Variants in EDAR observed in about 807,000 individuals in gnomAD.
The protein encoded by EDAR is tumor necrosis factor receptor superfamily member EDAR.
A neutral mutation model predicts 51.3 loss-of-function variants in EDAR; 38 were observed. That is an observed-to-expected ratio of 0.74 (90% CI 0.57 to 0.97). The LOEUF (loss-of-function observed/expected upper bound fraction) is 0.97, where lower values mean the gene tolerates loss of function less well. EDAR is among the 50% of genes least tolerant of loss of function. The pLI is 0.00. For synonymous variants in EDAR, 227 were observed against 242.1 expected (o/e 0.94, Z 0.58); for missense variants, 528 against 595.0 (o/e 0.89, Z 1.17).
At chr2:108,923,277 G>T in intron 5 of EDAR, 91 bp downstream of exon 5, 1 of 1,253,886 alleles carries the variant, frequency 8.0e-7, no homozygotes, top group Non-Finnish European at 1.2e-6. Context: ...CCTTGTCCAG[G>T]TGCCAGGACC....
At chr2:108,927,340 G>A (rs1397996902) in intron 4 of EDAR, among the ~76,000 whole-genome samples, 1 of 152,166 alleles carries the variant, frequency 6.6e-6, no homozygotes, top group African/African-American at 2.4e-5. Context: ...ATGTTTAAAA[G>A]CCCAGAGAGC....
At chr2:108,946,024 C>T (rs540259293) in intron 1 of EDAR, among the ~76,000 whole-genome samples, 2 of 152,342 alleles carry the variant, frequency 1.3e-5, no homozygotes, top group African/African-American at 4.8e-5. Flanking sequence ...ATTCTCTGCA[C>T]TAGTACTGGC....
chr2:108,924,589 G>T (rs370543358), intron 4 of EDAR, among the ~76,000 whole-genome samples: 2 of 152,184 alleles, frequency 1.3e-5, no homozygotes, highest in African/African-American at 4.8e-5. Flanking sequence ...CCCTGCTGAC[G>T]GTAGTGCTAA....
At chr2:108,963,732 A>G (rs889690774) in intron 1 of EDAR, among the ~76,000 whole-genome samples, 18 of 152,244 alleles carry the variant, frequency 1.2e-4, no homozygotes, top group Non-Finnish European at 5.9e-5. Flanking sequence ...GGCAATTCCC[A>G]GGCTATGGGT....
At chr2:108,929,810 G>A (rs1316487299) in intron 3 of EDAR, among the ~76,000 whole-genome samples, 1 of 152,204 alleles carries the variant, frequency 6.6e-6, no homozygotes, top group African/African-American at 2.4e-5. Flanking sequence ...TACTAGTACT[G>A]GAGAATATTT....
rs144207618 is a variant in EDAR at position 108,909,552 on chromosome 2, G to C, written c.803+908C>G. 8.8e-3 allele frequency among the ~76,000 whole-genome samples: 1,343 copies of C among 152,278 alleles called. 23 individuals are homozygous for C. The highest frequency in any genetic ancestry group is 0.031 in the African/African-American group (1,305 of 41,560). ...TGGCCTCTGTGCCCCATCTGCCAAG[G>C]GAGGCACTGTTGCGGGGGTGTCCTT... is the stretch of plus-strand genomic sequence containing the variant. On this transcript the variant is annotated intron_variant, in intron 9 of 11. Coordinates refer to ENST00000258443, the MANE Select transcript of EDAR (RefSeq NM_022336.4).
Position 108,913,756 on chromosome 2 carries a change from C to T in EDAR, c.443-992G>A, listed in dbSNP as rs151022874. 3.0e-4 allele frequency among the ~76,000 whole-genome samples: 45 copies of T among 152,142 alleles called. No individual in the cohort carries two copies. In the East Asian group the frequency reaches 8.7e-3, roughly 29 times the overall value. Reference sequence around the variant, plus strand: ...ACGAGGTCAGGAGATCAAGATCATCCTGGCTAACACAGGGAAACCCCGTCT... The same window carrying T: ...ACGAGGTCAGGAGATCAAGATCATCTTGGCTAACACAGGGAAACCCCGTCT... On this transcript the variant is annotated intron_variant, in intron 5 of 11. Coordinates refer to ENST00000258443, the MANE Select transcript of EDAR (RefSeq NM_022336.4).
intron 11 of EDAR, among the ~76,000 whole-genome samples, chr2:108,899,988 A>AAAT (rs535092335): frequency 4.6e-5 from 7 of 152,074 alleles, no homozygotes; most frequent in Non-Finnish European, 7.4e-5. Context: ...TCCATGTCAA[A>AAAT]AATAATAATA....
chr2:108,900,560 G>GA (rs777541119), intron 11 of EDAR, among the ~76,000 whole-genome samples: 773 of 43,460 alleles, frequency 0.018, 3 homozygotes, highest in Non-Finnish European at 0.024. Context: ...CAAAAAAAAA[G>GA]AAAAAAAAAA....
chr2:108,985,098 T>G (rs958593499), intron 1 of EDAR, among the ~76,000 whole-genome samples: 1 of 152,240 alleles, frequency 6.6e-6, no homozygotes, highest in Non-Finnish European at 1.5e-5. Flanking sequence ...GATTAAGGTG[T>G]TGTTGGCAGA....
intron 11 of EDAR, among the ~76,000 whole-genome samples, chr2:108,898,045 C>T (rs1261500432): frequency 1.3e-5 from 2 of 152,280 alleles, no homozygotes; most frequent in Admixed American, 1.3e-4. Flanking sequence ...ACAGCCCCAA[C>T]AAAAGTCTTC....
intron 1 of EDAR, among the ~76,000 whole-genome samples, chr2:108,944,039 T>G (rs1160259808): frequency 6.6e-6 from 1 of 152,252 alleles, no homozygotes; most frequent in Non-Finnish European, 1.5e-5. Flanking sequence ...TTCTCAGGAA[T>G]GTACACAGGC....
In EDAR at chr2:108,896,693, G is replaced by T; in HGVS notation, c.*214C>A. 2 of 589,820 alleles carry T rather than the reference G, an allele frequency of 3.4e-6. No individual in the cohort carries two copies. The highest frequency in any genetic ancestry group is 3.7e-5 in the African/African-American group (2 of 53,828). 36.5% of individuals were successfully genotyped at this position (589,820 alleles called of 1,614,324 possible). A position where few individuals can be genotyped will look rare whatever the true frequency, so the allele number is the denominator to read the frequency against. On this transcript the variant is annotated 3_prime_UTR_variant, in exon 12 of 12. Coordinates refer to ENST00000258443, the MANE Select transcript of EDAR (RefSeq NM_022336.4). ...TATTTACTCTGCCTGGTGAGGTACAGGCGAGCATCTGAAAGTATCCCGGCT... is the reference window on the plus strand; with the variant it reads ...TATTTACTCTGCCTGGTGAGGTACATGCGAGCATCTGAAAGTATCCCGGCT...
At chr2:108,901,399 C>T (rs906771715) in intron 11 of EDAR, among the ~76,000 whole-genome samples, 5 of 152,112 alleles carry the variant, frequency 3.3e-5, no homozygotes, top group Non-Finnish European at 7.4e-5. Context: ...AATCTAAGCT[C>T]CCATTTCAAG....
intron 1 of EDAR, among the ~76,000 whole-genome samples, chr2:108,940,623 T>C (rs908539811): frequency 8.5e-5 from 13 of 152,348 alleles, no homozygotes; most frequent in African/African-American, 3.1e-4. Flanking sequence ...CGTCACACAA[T>C]GTGAATGTGG....
chr2:108,932,136 C>T (rs545691979), intron 1 of EDAR, among the ~76,000 whole-genome samples: 1 of 152,334 alleles, frequency 6.6e-6, no homozygotes, highest in East Asian at 1.9e-4. Flanking sequence ...TGCACAGGAA[C>T]CTTCCCTCCC....
chr2:108,975,753 G>A (rs964438364), intron 1 of EDAR, among the ~76,000 whole-genome samples: 8 of 152,172 alleles, frequency 5.3e-5, no homozygotes, highest in Admixed American at 4.6e-4. Flanking sequence ...GGTCCAGCAA[G>A]AGAAGGGTGG....
chr2:108,959,281 G>C (rs943453969), intron 1 of EDAR, among the ~76,000 whole-genome samples: 1 of 152,184 alleles, frequency 6.6e-6, no homozygotes, highest in Non-Finnish European at 1.5e-5. Context: ...TGTGGTCTGC[G>C]ATCTGGGAAC....
intron 1 of EDAR, among the ~76,000 whole-genome samples, chr2:108,952,569 A>T (rs1172556773): frequency 6.6e-6 from 1 of 152,236 alleles, no homozygotes; most frequent in Admixed American, 6.5e-5. Context: ...TTTTTAAAAA[A>T]TACTTTCACT....
Sources: gnomAD v4.1 joint callset for allele counts (sites outside exome capture counted in the v4.1 genomes callset) on GRCh38, gnomAD v4.1.1 for gene constraint, MANE v1.5 for transcripts, NCBI Gene and HGNC (gene_info 2026-07-23, HGNC 2026-07-21) for gene names.